RAPGEF5: variants seen among roughly 807,000 people sequenced by gnomAD.
RAPGEF5 encodes M-Ras-regulated GEF.
RAPGEF5 carries 65 observed loss-of-function variants against 125.2 expected under a neutral mutation model. The observed-to-expected ratio is 0.52, with a 90% CI of 0.43 to 0.64. The LOEUF (loss-of-function observed/expected upper bound fraction) is 0.64, where lower values mean the gene tolerates loss of function less well. Ranked by LOEUF, RAPGEF5 falls within the 30% of genes least tolerant of loss-of-function variation. The pLI is 0.00. For synonymous variants in RAPGEF5, 391 were observed against 385.9 expected (o/e 1.01, Z -0.16); for missense variants, 958 against 1,048.1 (o/e 0.91, Z 1.19).
chr7:22,228,693 T>A (rs1248850425), intron 8 of RAPGEF5, among the ~76,000 whole-genome samples: 4 of 129,214 alleles, frequency 3.1e-5, no homozygotes, highest in African/African-American at 8.7e-5. Flanking sequence ...TTTTTTTTTT[T>A]AAGTAGAGAC....
intron 12 of RAPGEF5, among the ~76,000 whole-genome samples, chr7:22,166,773 C>T (rs1784180542): frequency 6.6e-6 from 1 of 152,156 alleles, no homozygotes; most frequent in South Asian, 2.1e-4. Flanking sequence ...TGGGGTTTAC[C>T]CAGCAGGCCA....
chr7:22,161,346 T>C (rs909682142), intron 13 of RAPGEF5, among the ~76,000 whole-genome samples: 1 of 152,118 alleles, frequency 6.6e-6, no homozygotes, highest in Non-Finnish European at 1.5e-5. Context: ...GAGACCAGCC[T>C]GGGCAACAAA....
Position 22,125,600 on chromosome 7 carries a change from T to C in RAPGEF5, c.2536+4A>G, listed in dbSNP as rs1364615132. On this transcript the variant is annotated splice_donor_region_variant and intron_variant, in intron 25 of 25. Coordinates refer to ENST00000665637, the MANE Select transcript of RAPGEF5 (RefSeq NM_012294.5). The stretch of plus-strand genomic sequence containing the variant: ...ACATTCCGCACCTGACTTCAATTAC[T>C]CACCAAACTGGTTAGTCCTGCAGTG... The C allele has an allele frequency of 2.5e-6, 4 of 1,608,446 alleles. No homozygotes were observed. The highest frequency in any genetic ancestry group is 3.4e-6 in the Non-Finnish European group (4 of 1,174,868).
chr7:22,238,869 T>G (rs980396026), intron 7 of RAPGEF5, among the ~76,000 whole-genome samples: 3 of 152,028 alleles, frequency 2.0e-5, no homozygotes, highest in African/African-American at 7.2e-5. Flanking sequence ...ATACAGGAAG[T>G]GAGTAAAGGA....
At chr7:22,291,055 C>T in intron 6 of RAPGEF5, 120 bp downstream of exon 6, 3 of 1,178,020 alleles carry the variant, frequency 2.5e-6, no homozygotes, top group Non-Finnish European at 2.3e-6. Context: ...TCATACCTCC[C>T]ACAATGATGA....
Position 22,317,973 on chromosome 7 carries a change from G to C in RAPGEF5, c.282+14C>G. 1.3e-6 allele frequency: 2 copies of C among 1,548,280 alleles called. No individual in the cohort carries two copies. The highest frequency in any genetic ancestry group is 1.7e-6 in the Non-Finnish European group (2 of 1,146,402). On this transcript the variant is annotated intron_variant, in intron 2 of 25. Transcript: ENST00000665637. ...CTATTTCAGAAAAGGCAGTAAAAGA[G>C]AAAGGAATCATACCTGGGAAGGCGT...
chr7:22,173,677 G>A (rs965317120), intron 11 of RAPGEF5, among the ~76,000 whole-genome samples: 12 of 152,266 alleles, frequency 7.9e-5, no homozygotes, highest in East Asian at 1.9e-4. Context: ...CAGGTATTCC[G>A]TTCTTAGCTA....
chr7:22,159,836 TG>T (rs35399705), intron 14 of RAPGEF5, among the ~76,000 whole-genome samples: 148,674 of 152,250 alleles, frequency 0.98, 72,600 homozygotes, highest in East Asian at 0.99. Flanking sequence ...AGGCCGGGTG[TG>T]GTGACTCACA....
chr7:22,131,460 C>T (rs1189938368), intron 23 of RAPGEF5, among the ~76,000 whole-genome samples: 1 of 152,076 alleles, frequency 6.6e-6, no homozygotes, highest in East Asian at 1.9e-4. Context: ...GGACTGAATA[C>T]CCAGAAACAA....
rs1018724572 is a variant in RAPGEF5 at position 22,125,640 on chromosome 7, C to A, written c.2500G>T (p.Val834Phe). ...FEKLHMIADT[V>F]RTLRHCRTNQ... ...GTCCTGCAGTGTCTCAGGGTTCGGA[C>A]AGTGTCTGCGATCATATGCTGTAAA... Residue 834 changes from valine (V) to phenylalanine (F), a missense_variant, in exon 25 of 26, where the codon GTC becomes TTC. Transcript: ENST00000665637. 6.2e-7 allele frequency: 1 copy of A among 1,612,012 alleles called. No individual in the cohort carries two copies. Among genetic ancestry groups the A allele is most frequent in the Non-Finnish European group, 8.5e-7 (1 of 1,178,288 alleles).
intron 3 of RAPGEF5, among the ~76,000 whole-genome samples, chr7:22,315,082 GC>G (rs920762410): frequency 6.6e-6 from 1 of 152,082 alleles, no homozygotes; most frequent in African/African-American, 2.4e-5. Context: ...CCCCTCACCC[GC>G]TGCAAAATAT....
At chr7:22,298,940 G>A (rs1287577928) in intron 5 of RAPGEF5, among the ~76,000 whole-genome samples, 1 of 150,918 alleles carries the variant, frequency 6.6e-6, no homozygotes, top group Admixed American at 6.6e-5. Flanking sequence ...TAAGTCTGCA[G>A]TGATATTCCT....
In RAPGEF5 at chr7:22,314,833, T is replaced by C. The variant is rs536329124; in HGVS notation, c.389+537A>G. Among the ~76,000 whole-genome samples, 92 of 152,266 alleles carry C rather than the reference T, an allele frequency of 6.0e-4. 1 individual carries two copies. In the Middle Eastern group the frequency reaches 0.01, roughly 17 times the overall value. ...GTTTTCTAAGTGACCATGCCCTTGG[T>C]CCAGCTGTACTTTAAAACTGGCCAT... On this transcript the variant is annotated intron_variant, in intron 3 of 25. Coordinates refer to ENST00000665637, the MANE Select transcript of RAPGEF5 (RefSeq NM_012294.5).
chr7:22,315,351 TG>T lies in RAPGEF5; in HGVS notation c.389+18del, dbSNP rs1469138929. 2 of 1,534,342 alleles carry T rather than the reference TG, an allele frequency of 1.3e-6. No individual in the cohort carries two copies. Among genetic ancestry groups the T allele is most frequent in the Admixed American group, 4.0e-5 (2 of 49,512 alleles). ...TCCTCAAAGAGAATTTCTGACAAGG[TG>T]TTAGAAAACTGTGTTACCTGTAAAA... is the stretch of plus-strand genomic sequence containing the variant. On this transcript the variant is annotated intron_variant, in intron 3 of 25. Transcript: ENST00000665637.
rs531468126 is a variant in RAPGEF5 at position 22,292,278 on chromosome 7, G to A, written c.681-1037C>T. Among the ~76,000 whole-genome samples, 3 of 152,316 alleles carry A rather than the reference G, an allele frequency of 2.0e-5. No homozygotes were observed. In the South Asian group the frequency reaches 6.2e-4, roughly 32 times the overall value. The stretch of plus-strand genomic sequence containing the variant: ...CTCTTTAAGAAGGGAAAAGCCAGTT[G>A]GATCACTTCTGGCATTGCCTTCTTG... On this transcript the variant is annotated intron_variant, in intron 5 of 25. Transcript: ENST00000665637.
At chr7:22,313,825 A>G (rs1783528738) in intron 3 of RAPGEF5, among the ~76,000 whole-genome samples, 1 of 152,212 alleles carries the variant, frequency 6.6e-6, no homozygotes, top group African/African-American at 2.4e-5. Context: ...AGGTGATGCC[A>G]TCATTTATTT....
In RAPGEF5 at chr7:22,122,292, G is replaced by T; in HGVS notation, c.*114C>A. 2 of 838,234 alleles carry T rather than the reference G, an allele frequency of 2.4e-6. No individual in the cohort carries two copies. Among genetic ancestry groups the T allele is most frequent in the Non-Finnish European group, 1.9e-6 (1 of 525,892 alleles). The allele number at this position is 838,234 out of a possible 1,614,324, so 51.9% of individuals were successfully genotyped here. On this transcript the variant is annotated 3_prime_UTR_variant, in exon 26 of 26. Transcript: ENST00000665637. ...GGCTGGCTTTCCTGTGAATGTCTTG[G>T]GTTATACTGATAAAACTCAGCAACT...
At chr7:22,126,429 C>T (rs1782747680) in intron 24 of RAPGEF5, among the ~76,000 whole-genome samples, 1 of 152,164 alleles carries the variant, frequency 6.6e-6, no homozygotes, top group African/African-American at 2.4e-5. Context: ...AACTTTTCTC[C>T]TTCTTTAGAC....
In RAPGEF5 at chr7:22,118,309, CTT is replaced by C. The variant is rs1782463879; in HGVS notation, c.*4095_*4096del. On this transcript the variant is annotated 3_prime_UTR_variant, in exon 26 of 26. Coordinates refer to ENST00000665637, the MANE Select transcript of RAPGEF5 (RefSeq NM_012294.5). ...AGAAACTAAGAGGCATGAATAGTGT[CTT>C]TAACATAGTCTCATATTTGGAAAAG... The C allele has an allele frequency of 6.6e-6, 1 of 151,726 alleles. No homozygotes were observed. The highest frequency in any genetic ancestry group is 1.5e-5 in the Non-Finnish European group (1 of 67,960). The allele number at this position is 151,726 out of a possible 1,614,324, so 9.4% of individuals were successfully genotyped here.
Sources: gnomAD v4.1 joint callset for allele counts (sites outside exome capture counted in the v4.1 genomes callset) on GRCh38, gnomAD v4.1.1 for gene constraint, MANE v1.5 for transcripts, NCBI Gene and HGNC (gene_info 2026-07-23, HGNC 2026-07-21) for gene names.